KIFAP3: variants seen among roughly 807,000 people sequenced by gnomAD.
KIFAP3 encodes kinesin-associated protein 3.
In KIFAP3, 68 loss-of-function variants were observed where a neutral mutation model predicts 106.5. That is an observed-to-expected ratio of 0.64 (90% CI 0.53 to 0.78). The LOEUF (loss-of-function observed/expected upper bound fraction) is 0.78, where lower values mean the gene tolerates loss of function less well. Among genes scored for constraint, KIFAP3 ranks in the 30% least tolerant of loss-of-function variants. The pLI, the probability that KIFAP3 is intolerant of heterozygous loss-of-function variation, is 0.00. For missense variants in KIFAP3, 780 were observed against 941.8 expected, an observed-to-expected ratio of 0.83 and a Z score of 2.25; for synonymous variants, 320 against 311.5, an observed-to-expected ratio of 1.03 and a Z score of -0.29.
intron 12 of KIFAP3, among the ~76,000 whole-genome samples, chr1:169,983,772 G>A (rs1666651080): frequency 6.6e-6 from 1 of 151,766 alleles, no homozygotes; most frequent in Non-Finnish European, 1.5e-5. Flanking sequence ...CAGAAAAATT[G>A]TACTTCTGGG....
intron 4 of KIFAP3, among the ~76,000 whole-genome samples, chr1:170,038,914 C>T (rs1669825602): frequency 6.6e-6 from 1 of 152,096 alleles, no homozygotes; most frequent in African/African-American, 2.4e-5. Context: ...GAAACCCCAT[C>T]ACTACTAAAA....
chr1:170,055,251 T>C, intron 2 of KIFAP3, 54 bp downstream of exon 2: 1 of 1,479,554 alleles, frequency 6.8e-7, no homozygotes, highest in South Asian at 1.3e-5. Context: ...CAGATTTGTA[T>C]AAAGTTTATA....
At chr1:169,987,520 G>A (rs1271356661) in intron 11 of KIFAP3, among the ~76,000 whole-genome samples, 3 of 151,928 alleles carry the variant, frequency 2.0e-5, no homozygotes, top group Non-Finnish European at 2.9e-5. Flanking sequence ...GCATGCCTCC[G>A]GAATCTCTTC....
intron 2 of KIFAP3, among the ~76,000 whole-genome samples, chr1:170,048,031 T>C (rs1400596972): frequency 2.0e-5 from 3 of 152,192 alleles, no homozygotes; most frequent in African/African-American, 4.8e-5. Context: ...ATCAAGGAAT[T>C]AGAAGGGCAG....
intron 11 of KIFAP3, among the ~76,000 whole-genome samples, chr1:169,985,171 C>T (rs187992610): frequency 1.6e-4 from 24 of 151,808 alleles, no homozygotes; most frequent in Admixed American, 5.9e-4. Flanking sequence ...TTTTGGCCTT[C>T]GTGCTAAGAA....
chr1:170,021,308 C>T (rs1368070209), intron 9 of KIFAP3, among the ~76,000 whole-genome samples: 2 of 151,748 alleles, frequency 1.3e-5, no homozygotes, highest in South Asian at 2.1e-4. Flanking sequence ...AATAAAACTG[C>T]CACAAGCTTC....
Position 169,984,417 on chromosome 1 carries a change from C to T in KIFAP3, c.1393+165G>A, listed in dbSNP as rs116592636. ...AGAAGGTAAGTGTCTGCATTTATGA[C>T]GTAAGAATATTCTATCTGACCTTTA... On this transcript the variant is annotated intron_variant, in intron 12 of 19. Coordinates refer to ENST00000361580, the MANE Select transcript of KIFAP3 (RefSeq NM_014970.4). 8.3e-3 allele frequency among the ~76,000 whole-genome samples: 1,267 copies of T among 151,790 alleles called. 10 individuals carry two copies. The highest frequency in any genetic ancestry group is 0.014 in the Middle Eastern group (4 of 294).
chr1:170,011,203 TAG>T (rs1478793705), intron 10 of KIFAP3, among the ~76,000 whole-genome samples: 1 of 151,992 alleles, frequency 6.6e-6, no homozygotes, highest in Non-Finnish European at 1.5e-5. Context: ...TAAAATAATT[TAG>T]ATTGTCTACT....
chr1:169,926,550 T>C (rs1177386755), intron 19 of KIFAP3, among the ~76,000 whole-genome samples: 1 of 152,132 alleles, frequency 6.6e-6, no homozygotes, highest in Non-Finnish European at 1.5e-5. Flanking sequence ...TTGCCTAATA[T>C]TGACTGCTTA....
Position 170,041,704 on chromosome 1 carries a change from A to G in KIFAP3, c.320-2416T>C, listed in dbSNP as rs1433535034. On this transcript the variant is annotated intron_variant, in intron 3 of 19. Coordinates refer to ENST00000361580, the MANE Select transcript of KIFAP3 (RefSeq NM_014970.4). ...TCACATAAGCTTGCTTGGAGTACAG[A>G]AACAGTTTCTGAATCTGAAAGACTT... 2.0e-6 allele frequency: 3 copies of G among 1,535,266 alleles called. No individual in the cohort carries two copies. In the Admixed American group the frequency reaches 5.9e-5, roughly 30 times the overall value.
chr1:169,981,070 C>T (rs551269472), intron 15 of KIFAP3, among the ~76,000 whole-genome samples: 3 of 152,288 alleles, frequency 2.0e-5, no homozygotes, highest in African/African-American at 7.2e-5. Flanking sequence ...CATTGCACTC[C>T]AGCCTGGGCA....
chr1:169,964,507 C>T (rs1048561696), intron 17 of KIFAP3, among the ~76,000 whole-genome samples: 6 of 152,064 alleles, frequency 3.9e-5, no homozygotes, highest in Admixed American at 1.3e-4. Flanking sequence ...TCTAAGATTT[C>T]GTAAGCAAGC....
upstream of KIFAP3, among the ~76,000 whole-genome samples, chr1:170,074,933 T>C (rs563174904): frequency 1.6e-4 from 24 of 152,204 alleles, no homozygotes; most frequent in Non-Finnish European, 3.5e-4. Flanking sequence ...ACCTTTTAGT[T>C]AGCGAATGCT....
chr1:170,005,681 G>A (rs1241116281), intron 10 of KIFAP3, among the ~76,000 whole-genome samples: 2 of 135,080 alleles, frequency 1.5e-5, no homozygotes, highest in African/African-American at 2.8e-5. Context: ...CACAGGAAGG[G>A]GAACATCACA....
rs1486914170 is a variant in KIFAP3 at position 169,962,267 on chromosome 1, A to G, written c.1984-1032T>C. Among the ~76,000 whole-genome samples, 3 of 152,172 alleles carry G rather than the reference A, an allele frequency of 2.0e-5. No homozygotes were observed. The East Asian group carries it at 5.8e-4, about 29-fold the overall frequency. On this transcript the variant is annotated intron_variant, in intron 17 of 19. Transcript: ENST00000361580. ...GAGCAAGATTAGGTTATTCACTGAC[A>G]GGTGTATCTGTAACACTTGTCAGAA...
intron 15 of KIFAP3, among the ~76,000 whole-genome samples, chr1:169,979,735 T>A (rs1222308034): frequency 6.6e-6 from 1 of 152,074 alleles, no homozygotes; most frequent in Admixed American, 6.6e-5. Flanking sequence ...GCCAAACACA[T>A]ACAAACTCTG....
chr1:169,975,248 G>A (rs1171368077), intron 16 of KIFAP3, among the ~76,000 whole-genome samples: 1 of 152,014 alleles, frequency 6.6e-6, no homozygotes, highest in Non-Finnish European at 1.5e-5. Context: ...TTATGTGATT[G>A]AGTCACAGTT....
chr1:170,078,700 C>A (rs1671967358), upstream of KIFAP3, among the ~76,000 whole-genome samples: 1 of 152,080 alleles, frequency 6.6e-6, no homozygotes, highest in African/African-American at 2.4e-5. Flanking sequence ...ACTTCAGACA[C>A]AAATAGCTTC....
At chr1:169,999,949 GA>G (rs1431743610) in intron 10 of KIFAP3, among the ~76,000 whole-genome samples, 1 of 152,032 alleles carries the variant, frequency 6.6e-6, no homozygotes, top group Non-Finnish European at 1.5e-5. Context: ...AGCTGAAGGA[GA>G]AAAAACTATC....
Sources: gnomAD v4.1 joint callset for allele counts (sites outside exome capture counted in the v4.1 genomes callset) on GRCh38, gnomAD v4.1.1 for gene constraint, MANE v1.5 for transcripts, NCBI Gene and HGNC (gene_info 2026-07-23, HGNC 2026-07-21) for gene names.